Variants in PCDH7 observed in about 807,000 individuals in gnomAD.
PCDH7 encodes protocadherin-7.
A neutral mutation model predicts 58.9 loss-of-function variants in PCDH7; 17 were observed. The observed-to-expected ratio is 0.29, with a 90% confidence interval of 0.20 to 0.43. PCDH7 has a LOEUF of 0.43. Ranked by LOEUF, PCDH7 falls within the 20% of genes least tolerant of loss-of-function variation. The probability of loss-of-function intolerance (pLI) is 1.00; values close to 1 mark genes in which losing one functional copy is unlikely to be tolerated. For missense variants in PCDH7, 1,274 were observed against 1,441.0 expected, an observed-to-expected ratio of 0.88 and a Z score of 1.88; for synonymous variants, 664 against 616.4, an observed-to-expected ratio of 1.08 and a Z score of -1.14.
Position 30,996,867 on chromosome 4 carries a change from G to A in PCDH7, c.*7+46652G>A, listed in dbSNP as rs114873175. On this transcript the variant is annotated intron_variant, in intron 3 of 3. Coordinates refer to the PCDH7 transcript ENST00000509759. The stretch of plus-strand genomic sequence containing the variant: ...GCTAATAATCCATGGTGTAAAACAC[G>A]TCTTTTAACATATTATACTCTGCAT... Among the ~76,000 whole-genome samples, 284 of 152,212 alleles carry A rather than the reference G, an allele frequency of 1.9e-3. 1 individual carries two copies. Among genetic ancestry groups the A allele is most frequent in the African/African-American group, 6.5e-3 (268 of 41,544 alleles).
At chr4:30,899,774 G>A (rs1380250128) in intron 1 of PCDH7, among the ~76,000 whole-genome samples, 1 of 151,932 alleles carries the variant, frequency 6.6e-6, no homozygotes, top group East Asian at 1.9e-4. Flanking sequence ...TGTGGGGTGG[G>A]GGTGAGGTGG....
At chr4:30,919,996 A>G (rs1742974771) in intron 1 of PCDH7, among the ~76,000 whole-genome samples, 157 bp from the exon 2 acceptor site, 1 of 152,226 alleles carries the variant, frequency 6.6e-6, no homozygotes, top group Non-Finnish European at 1.5e-5. Flanking sequence ...ATTGCCTTAG[A>G]TAATACATAG....
At chr4:31,121,574 A>G (rs188897331) in intron 3 of PCDH7, among the ~76,000 whole-genome samples, 7 of 152,266 alleles carry the variant, frequency 4.6e-5, no homozygotes, top group Admixed American at 1.3e-4. Flanking sequence ...GTATCTTTTT[A>G]TATACAATCA....
intron 1 of PCDH7, among the ~76,000 whole-genome samples, chr4:30,872,263 A>G (rs1424359242): frequency 6.6e-6 from 1 of 152,080 alleles, no homozygotes; most frequent in Non-Finnish European, 1.5e-5. Flanking sequence ...TTTAGGGACA[A>G]CTTAGACCAG....
chr4:30,773,574 G>A (rs1156888084), intron 1 of PCDH7, among the ~76,000 whole-genome samples: 1 of 151,992 alleles, frequency 6.6e-6, no homozygotes, highest in Non-Finnish European at 1.5e-5. Context: ...GGAATGAGGG[G>A]TTTATGTTTT....
intron 1 of PCDH7, among the ~76,000 whole-genome samples, chr4:30,889,994 AAT>A (rs1156420021): frequency 6.6e-6 from 1 of 152,206 alleles, no homozygotes; most frequent in Admixed American, 6.5e-5. Context: ...GGATAAGTGC[AAT>A]ATTAGAGCTG....
At chr4:31,101,707 A>C (rs1714915605) in intron 3 of PCDH7, among the ~76,000 whole-genome samples, 1 of 152,200 alleles carries the variant, frequency 6.6e-6, no homozygotes, top group African/African-American at 2.4e-5. Context: ...ATTGACCTTT[A>C]GATTTTCCTT....
chr4:31,000,432 G>C (rs559300189), intron 3 of PCDH7, among the ~76,000 whole-genome samples: 1 of 152,010 alleles, frequency 6.6e-6, no homozygotes, highest in African/African-American at 2.4e-5. Flanking sequence ...CAAATAAGTT[G>C]AGTTTTGAAT....
intron 3 of PCDH7, among the ~76,000 whole-genome samples, chr4:31,033,399 A>C (rs1406795564): frequency 6.6e-6 from 1 of 152,222 alleles, no homozygotes; most frequent in African/African-American, 2.4e-5. Flanking sequence ...AGAAGATAGC[A>C]TTTCAATGCA....
chr4:31,035,864 AT>A (rs1207432577), intron 3 of PCDH7, among the ~76,000 whole-genome samples: 1 of 152,128 alleles, frequency 6.6e-6, no homozygotes, highest in Non-Finnish European at 1.5e-5. Context: ...GTGTGTAATT[AT>A]TTTTTGGCAG....
At chr4:31,007,191 C>G (rs1437169803) in intron 3 of PCDH7, among the ~76,000 whole-genome samples, 2 of 152,180 alleles carry the variant, frequency 1.3e-5, no homozygotes, top group Non-Finnish European at 2.9e-5. Context: ...TTTAATCTCT[C>G]TCTGCCTCAA....
chr4:30,962,943 T>C (rs1286571594), intron 3 of PCDH7, among the ~76,000 whole-genome samples: 1 of 152,140 alleles, frequency 6.6e-6, no homozygotes, highest in Middle Eastern at 3.2e-3. Context: ...TCAACTGGGC[T>C]TTCACCAGGA....
chr4:30,946,560 T>G (rs1401460349), intron 2 of PCDH7, among the ~76,000 whole-genome samples: 1 of 152,126 alleles, frequency 6.6e-6, no homozygotes, highest in African/African-American at 2.4e-5. Flanking sequence ...ACTCTTTTTT[T>G]GCTGCCATTC....
intron 1 of PCDH7, among the ~76,000 whole-genome samples, chr4:30,725,698 AAC>A (rs1714521295): frequency 6.6e-6 from 1 of 152,108 alleles, no homozygotes; most frequent in Admixed American, 6.5e-5. Flanking sequence ...CATCTCAAGA[AAC>A]ACAGTTATGA....
At chr4:30,800,505 T>A (rs1292156385) in intron 1 of PCDH7, among the ~76,000 whole-genome samples, 3 of 152,142 alleles carry the variant, frequency 2.0e-5, no homozygotes, top group African/African-American at 7.2e-5. Flanking sequence ...AATTTGAATA[T>A]AGGAAATAAA....
At chr4:30,748,570 C>G (rs962578948) in intron 1 of PCDH7, among the ~76,000 whole-genome samples, 1 of 152,154 alleles carries the variant, frequency 6.6e-6, no homozygotes, top group Non-Finnish European at 1.5e-5. Context: ...CAGCATTAAT[C>G]TCTTTGTGAG....
At chr4:30,843,306 A>C (rs1731475235) in intron 1 of PCDH7, among the ~76,000 whole-genome samples, 3 of 152,044 alleles carry the variant, frequency 2.0e-5, no homozygotes. Flanking sequence ...GACTCAAGTG[A>C]TTCTCCTGCC....
chr4:30,732,640 C>G (rs1056689937), exon 2 of PCDH7: 3 of 151,882 alleles, frequency 2.0e-5, no homozygotes, highest in Non-Finnish European at 4.4e-5. Context: ...ATTTTTGTTT[C>G]AGTTGTGTTT....
intron 1 of PCDH7, among the ~76,000 whole-genome samples, chr4:30,902,256 G>T (rs1385150594): frequency 6.6e-6 from 1 of 152,066 alleles, no homozygotes; most frequent in Non-Finnish European, 1.5e-5. Flanking sequence ...GTCAGTTGTT[G>T]CAGTATGTAA....
Sources: allele counts gnomAD v4.1 joint callset (sites outside exome capture counted in the v4.1 genomes callset), GRCh38; gene constraint gnomAD v4.1.1; transcripts MANE v1.5; gene names NCBI Gene and HGNC (gene_info 2026-07-23, HGNC 2026-07-21).